Variants in PDE8B observed in about 807,000 individuals in gnomAD.
PDE8B encodes phosphodiesterase 8B, also known as high affinity cAMP-specific and IBMX-insensitive 3',5'-cyclic phosphodiesterase 8B.
In PDE8B, 26 loss-of-function variants were observed where a neutral mutation model predicts 101.3. That is an observed-to-expected ratio of 0.26 (90% CI 0.19 to 0.36). PDE8B has a LOEUF of 0.36. Among genes scored for constraint, PDE8B ranks in the 10% least tolerant of loss-of-function variants. The pLI is 1.00. For missense variants in PDE8B, 810 were observed against 1,163.1 expected (o/e 0.70, Z 4.42); for synonymous variants, 424 against 429.3 (o/e 0.99, Z 0.15).
chr5:77,152,810 T>C, the PDE8B span, among the ~76,000 whole-genome samples: 20 of 151,550 alleles, frequency 1.3e-4, no homozygotes, highest in Middle Eastern at 3.4e-3. Context: ...ATAGCACTGC[T>C]TTTCTTGAGA....
chr5:77,339,459 A>G (rs1027452767), intron 6 of PDE8B, among the ~76,000 whole-genome samples: 2 of 152,134 alleles, frequency 1.3e-5, no homozygotes, highest in Non-Finnish European at 1.5e-5. Context: ...GTGTGTGAAC[A>G]TGTGCATGAT....
At chr5:77,309,175 T>A (rs1226623663) in intron 1 of PDE8B, among the ~76,000 whole-genome samples, 2 of 114,898 alleles carry the variant, frequency 1.7e-5, no homozygotes, top group Admixed American at 1.3e-4. Flanking sequence ...TGAAACTCTG[T>A]CAGAAAGAAA....
Position 77,309,871 on chromosome 5 carries a change from C to T in PDE8B, c.340-2123C>T, listed in dbSNP as rs987074684. Among the ~76,000 whole-genome samples, 28 of 151,180 alleles carry T rather than the reference C, an allele frequency of 1.9e-4. No individual in the cohort carries two copies. In the East Asian group the frequency reaches 4.3e-3, roughly 23 times the overall value. ...CTGGCCTCAAGTGATCCACCTGCCT[C>T]GGCCTCCGAAAATGCTGGGATTACA... On this transcript the variant is annotated intron_variant, in intron 1 of 21. Coordinates refer to ENST00000264917, the MANE Select transcript of PDE8B (RefSeq NM_003719.5).
chr5:77,212,616 G>A (rs1748723165), intron 1 of PDE8B, among the ~76,000 whole-genome samples: 1 of 152,158 alleles, frequency 6.6e-6, no homozygotes, highest in African/African-American at 2.4e-5. Flanking sequence ...ACTATTGAAT[G>A]TTAACAGTGT....
chr5:77,424,601 A>T (rs1183446638), intron 20 of PDE8B, among the ~76,000 whole-genome samples: 1 of 152,232 alleles, frequency 6.6e-6, no homozygotes, highest in Non-Finnish European at 1.5e-5. Flanking sequence ...CATGGATAAA[A>T]ACAGCTGGTT....
chr5:77,093,242 A>G, the PDE8B span, among the ~76,000 whole-genome samples: 3 of 152,182 alleles, frequency 2.0e-5, no homozygotes, highest in Non-Finnish European at 2.9e-5. Flanking sequence ...GTGGTTGATT[A>G]CTAATTCAAT....
the PDE8B span, among the ~76,000 whole-genome samples, chr5:77,199,245 A>T: frequency 2.0e-5 from 3 of 152,250 alleles, no homozygotes; most frequent in Non-Finnish European, 4.4e-5. Context: ...GTGAAAATTC[A>T]TGCCATCTGA....
chr5:77,351,815 C>G (rs544784241), intron 9 of PDE8B, among the ~76,000 whole-genome samples: 1 of 152,204 alleles, frequency 6.6e-6, no homozygotes, highest in Non-Finnish European at 1.5e-5. Flanking sequence ...AGGTTCATAG[C>G]TTGGGTGTAT....
intron 14 of PDE8B, chr5:77,411,208 C>A: frequency 6.3e-6 from 1 of 159,144 alleles, no homozygotes; most frequent in Non-Finnish European, 1.4e-5. Flanking sequence ...AAAAATAGCT[C>A]AATCTTTTTA....
At chr5:77,125,578 A>G in the PDE8B span, among the ~76,000 whole-genome samples, 45 of 152,372 alleles carry the variant, frequency 3.0e-4, no homozygotes, top group African/African-American at 1.0e-3. Context: ...GTCAAAACAG[A>G]CGAATGGATG....
chr5:77,416,576 TC>T (rs61328196), intron 17 of PDE8B, among the ~76,000 whole-genome samples: 19,379 of 152,262 alleles, frequency 0.13, 1,578 homozygotes, highest in East Asian at 0.38. Flanking sequence ...ACTTCTGCTG[TC>T]CCTATTCAGG....
At chr5:77,214,427 T>C (rs967919329) in intron 1 of PDE8B, among the ~76,000 whole-genome samples, 4 of 152,208 alleles carry the variant, frequency 2.6e-5, no homozygotes, top group African/African-American at 9.7e-5. Context: ...CATTCAGTAT[T>C]TGTGGCCAGA....
At chr5:77,251,185 C>T (rs72766920) in intron 1 of PDE8B, among the ~76,000 whole-genome samples, 4,105 of 152,252 alleles carry the variant, frequency 0.027, 70 homozygotes, top group Non-Finnish European at 0.029. Flanking sequence ...TAATACTGAC[C>T]TTACAGCGTT....
intron 10 of PDE8B, among the ~76,000 whole-genome samples, chr5:77,367,518 C>T (rs1784355989): frequency 7.3e-6 from 1 of 137,118 alleles, no homozygotes. Flanking sequence ...GGAGTTCCTT[C>T]TCTTTTTCTC....
At chr5:77,219,718 ATGGATTGACAGTCT>A (rs981674387) in intron 1 of PDE8B, among the ~76,000 whole-genome samples, 1 of 152,214 alleles carries the variant, frequency 6.6e-6, no homozygotes, top group Non-Finnish European at 1.5e-5. Context: ...AGCTTAAAAA[ATGGATTGACAGTCT>A]TGGCCGAGAA....
intron 1 of PDE8B, among the ~76,000 whole-genome samples, chr5:77,303,867 A>G (rs1770555011): frequency 6.6e-6 from 1 of 152,114 alleles, no homozygotes; most frequent in Non-Finnish European, 1.5e-5. Context: ...TAAATGAGTA[A>G]CTCTAGTTGT....
At chr5:77,368,232 G>T (rs1295379473) in intron 10 of PDE8B, among the ~76,000 whole-genome samples, 1 of 151,974 alleles carries the variant, frequency 6.6e-6, no homozygotes, top group African/African-American at 2.4e-5. Flanking sequence ...AATCCATCCT[G>T]CACCCCCTTC....
chr5:77,375,434 T>C (rs1245948479), intron 10 of PDE8B, among the ~76,000 whole-genome samples: 1 of 152,214 alleles, frequency 6.6e-6, no homozygotes, highest in African/African-American at 2.4e-5. Flanking sequence ...GACATGAATT[T>C]CAGCTATGTT....
the PDE8B span, among the ~76,000 whole-genome samples, chr5:77,138,659 A>G: frequency 1.3e-5 from 2 of 152,226 alleles, no homozygotes; most frequent in African/African-American, 2.4e-5. Context: ...GAAGCCCCAG[A>G]TGGGAAAGCC....
Sources: allele counts gnomAD v4.1 joint callset (sites outside exome capture counted in the v4.1 genomes callset), GRCh38; gene constraint gnomAD v4.1.1; transcripts MANE v1.5; gene names NCBI Gene and HGNC (gene_info 2026-07-23, HGNC 2026-07-21).